Variants in LINGO2 observed in about 807,000 individuals in gnomAD.
LINGO2 encodes leucine-rich repeat and immunoglobulin-like domain-containing nogo receptor-interacting protein 2.
Under a neutral mutation model 30.6 loss-of-function variants are expected in LINGO2, and 14 were observed. The observed-to-expected ratio is 0.46, with a 90% confidence interval of 0.30 to 0.72. LINGO2 has a LOEUF of 0.72. Among genes scored for constraint, LINGO2 ranks in the 30% least tolerant of loss-of-function variants. The pLI, the probability that LINGO2 is intolerant of heterozygous loss-of-function variation, is 0.07. For synonymous variants in LINGO2, 317 were observed against 288.5 expected, an observed-to-expected ratio of 1.10 and a Z score of -1.00; for missense variants, 729 against 751.7, an observed-to-expected ratio of 0.97 and a Z score of 0.35.
At chr9:28,018,230 T>A (rs192119350) in intron 4 of LINGO2, among the ~76,000 whole-genome samples, 1 of 152,234 alleles carries the variant, frequency 6.6e-6, no homozygotes. Flanking sequence ...AAGACTTAAC[T>A]GTAGAACCTA....
At chr9:28,442,479 T>C (rs1464681520) in intron 2 of LINGO2, among the ~76,000 whole-genome samples, 1 of 152,158 alleles carries the variant, frequency 6.6e-6, no homozygotes, top group Non-Finnish European at 1.5e-5. Context: ...TAAAGAATAA[T>C]AAAATATTTT....
At chr9:28,768,348 C>T in the LINGO2 span, among the ~76,000 whole-genome samples, 2 of 152,138 alleles carry the variant, frequency 1.3e-5, no homozygotes, top group Admixed American at 1.3e-4. Flanking sequence ...TATTTTTGAG[C>T]AGTAGGAACT....
the LINGO2 span, among the ~76,000 whole-genome samples, chr9:28,989,241 G>T: frequency 6.6e-6 from 1 of 152,106 alleles, no homozygotes; most frequent in African/African-American, 2.4e-5. Flanking sequence ...AATGAATGTT[G>T]TTTAGATGAC....
chr9:28,468,323 T>A (rs990848724), intron 2 of LINGO2, among the ~76,000 whole-genome samples: 1 of 152,196 alleles, frequency 6.6e-6, no homozygotes, highest in Non-Finnish European at 1.5e-5. Context: ...TGCAAGGTTA[T>A]AACCAGTGTG....
chr9:27,992,962 G>A (rs1821473356), intron 5 of LINGO2, among the ~76,000 whole-genome samples: 1 of 152,082 alleles, frequency 6.6e-6, no homozygotes, highest in African/African-American at 2.4e-5. Flanking sequence ...AGAACTATGG[G>A]AGCTATTTTT....
the LINGO2 span, among the ~76,000 whole-genome samples, chr9:28,966,354 T>C: frequency 1.3e-5 from 2 of 152,256 alleles, no homozygotes; most frequent in Admixed American, 1.3e-4. Flanking sequence ...ATTCTTATAT[T>C]TTTATTCCTT....
In LINGO2 at chr9:28,117,620, G is replaced by T. The variant is rs547137750; in HGVS notation, c.-86-105215C>A. 6.9e-4 allele frequency among the ~76,000 whole-genome samples: 85 copies of T among 122,548 alleles called. 1 individual carries two copies. Among genetic ancestry groups the T allele is most frequent in the African/African-American group, 2.5e-3 (78 of 31,692 alleles). The allele number at this position is 122,548 out of a possible 152,430, so 80.4% of individuals were successfully genotyped here. ...GTGGGATATAGTCTCGTGGTGCGCC[G>T]TTTCTTAAGCCGGTCTGAAAAGCGC... On this transcript the variant is annotated intron_variant, in intron 4 of 5. Coordinates refer to ENST00000379992, the Ensembl canonical transcript of LINGO2.
chr9:28,053,345 G>A (rs1824764798), intron 4 of LINGO2, among the ~76,000 whole-genome samples: 1 of 151,932 alleles, frequency 6.6e-6, no homozygotes, highest in African/African-American at 2.4e-5. Context: ...AAGGGAGAGA[G>A]TCGTAAGAGA....
chr9:28,925,270 C>G, the LINGO2 span, among the ~76,000 whole-genome samples: 87 of 152,314 alleles, frequency 5.7e-4, no homozygotes, highest in African/African-American at 2.0e-3. Context: ...AATGTCCTTT[C>G]TGCTAAGAAT....
At chr9:28,315,527 C>G (rs191343880) in intron 3 of LINGO2, among the ~76,000 whole-genome samples, 1 of 152,172 alleles carries the variant, frequency 6.6e-6, no homozygotes, top group East Asian at 1.9e-4. Flanking sequence ...TTCTAGCTGA[C>G]CAGCTGTTTT....
intron 2 of LINGO2, among the ~76,000 whole-genome samples, chr9:28,389,398 C>CA (rs1564169093): frequency 6.6e-6 from 1 of 152,138 alleles, no homozygotes; most frequent in Non-Finnish European, 1.5e-5. Context: ...TTGGAAGCTA[C>CA]ATATCAGAGT....
the LINGO2 span, among the ~76,000 whole-genome samples, chr9:28,773,508 C>T: frequency 6.6e-6 from 1 of 152,026 alleles, no homozygotes; most frequent in Non-Finnish European, 1.5e-5. Flanking sequence ...GATTCTGCTA[C>T]TAGTGTGCTG....
chr9:28,122,720 T>A (rs1307170113), intron 4 of LINGO2, among the ~76,000 whole-genome samples: 1 of 152,206 alleles, frequency 6.6e-6, no homozygotes, highest in Non-Finnish European at 1.5e-5. Context: ...TTTTTCCATT[T>A]CCAAGCCACT....
chr9:28,549,291 C>T (rs1467901554), intron 1 of LINGO2, among the ~76,000 whole-genome samples: 1 of 152,036 alleles, frequency 6.6e-6, no homozygotes, highest in African/African-American at 2.4e-5. Context: ...CAGTTTGAGT[C>T]ATGTTAATGA....
intron 4 of LINGO2, among the ~76,000 whole-genome samples, chr9:28,184,193 G>C (rs148429383): frequency 1.3e-5 from 2 of 152,270 alleles, no homozygotes; most frequent in East Asian, 3.9e-4. Context: ...TGGGAAAAGG[G>C]GAGGTAGGTG....
chr9:28,764,635 C>T, the LINGO2 span, among the ~76,000 whole-genome samples: 1 of 151,768 alleles, frequency 6.6e-6, no homozygotes, highest in Non-Finnish European at 1.5e-5. Flanking sequence ...CAATATAGTA[C>T]TGGAAATACT....
chr9:29,063,643 G>T, the LINGO2 span, among the ~76,000 whole-genome samples: 1 of 151,914 alleles, frequency 6.6e-6, no homozygotes, highest in African/African-American at 2.4e-5. Context: ...CAGGTAATCT[G>T]CCTGCCTCCA....
At chr9:28,055,104 T>C (rs545438132) in intron 4 of LINGO2, among the ~76,000 whole-genome samples, 2 of 152,296 alleles carry the variant, frequency 1.3e-5, no homozygotes, top group South Asian at 4.1e-4. Context: ...CGGAGAATGC[T>C]TTACTTACAG....
chr9:27,985,446 C>T (rs1587616586), intron 5 of LINGO2, among the ~76,000 whole-genome samples: 1 of 151,796 alleles, frequency 6.6e-6, no homozygotes, highest in African/African-American at 2.4e-5. Flanking sequence ...ACTCAGGAGC[C>T]CTTGGCTTGA....
Sources: gnomAD v4.1 joint callset for allele counts (sites outside exome capture counted in the v4.1 genomes callset) on GRCh38, gnomAD v4.1.1 for gene constraint, MANE v1.5 for transcripts, NCBI Gene and HGNC (gene_info 2026-07-23, HGNC 2026-07-21) for gene names.